Variants in BLTP1 observed in about 807,000 individuals in gnomAD.
BLTP1 encodes the protein fragile site-associated protein.
the BLTP1 span, chr4:122,271,790 G>T: frequency 9.5e-7 from 1 of 1,051,890 alleles, no homozygotes; most frequent in East Asian, 2.6e-5. Flanking sequence ...AGAAGCAGAA[G>T]ACTGTTCATC....
At chr4:122,347,771 C>A in the BLTP1 span, 2 of 1,612,432 alleles carry the variant, frequency 1.2e-6, no homozygotes, top group Non-Finnish European at 1.7e-6. Flanking sequence ...TCTTCAGTTC[C>A]TCGAAGAGGT....
At chr4:122,271,161 A>G in the BLTP1 span, 4 of 1,613,974 alleles carry the variant, frequency 2.5e-6, no homozygotes, top group Non-Finnish European at 3.4e-6. Flanking sequence ...GATCTCAGCA[A>G]GCGGTATTAT....
chr4:122,156,867 T>C, the BLTP1 span, among the ~76,000 whole-genome samples: 3 of 152,144 alleles, frequency 2.0e-5, no homozygotes, highest in Non-Finnish European at 4.4e-5. Flanking sequence ...TAGGTAGACT[T>C]CTACTGAGAC....
At chr4:122,215,299 A>G in the BLTP1 span, 1 of 886,762 alleles carries the variant, frequency 1.1e-6, no homozygotes, top group Non-Finnish European at 1.4e-6. Flanking sequence ...TTACTGTAAT[A>G]ATCTACAGGA....
At chr4:122,240,137 G>T in the BLTP1 span, 2 of 1,614,132 alleles carry the variant, frequency 1.2e-6, no homozygotes, top group Non-Finnish European at 1.7e-6. Flanking sequence ...TAGAAGGTGA[G>T]AAAACAGTGG....
At chr4:122,247,547 A>G in the BLTP1 span, 1 of 1,046,642 alleles carries the variant, frequency 9.6e-7, no homozygotes, top group Non-Finnish European at 1.3e-6. Flanking sequence ...TACAGAATAG[A>G]AAATAAACTT....
the BLTP1 span, chr4:122,328,821 CAT>C: frequency 1.1e-6 from 1 of 946,956 alleles, no homozygotes; most frequent in Non-Finnish European, 1.3e-6. Flanking sequence ...AAATAAATGA[CAT>C]ATGTGAAACT....
At chr4:122,211,246 CTCAATT>C in the BLTP1 span, 1 of 673,154 alleles carries the variant, frequency 1.5e-6, no homozygotes, top group Non-Finnish European at 2.5e-6. Context: ...GGGTGCTAGA[CTCAATT>C]ACAAAATTAT....
At chr4:122,206,907 G>A in the BLTP1 span, 2 of 152,850 alleles carry the variant, frequency 1.3e-5, no homozygotes, top group Non-Finnish European at 2.9e-5. Flanking sequence ...TCTCTTATTT[G>A]GAACTGTGAT....
At chr4:122,348,795 AC>A in the BLTP1 span, 4 of 941,436 alleles carry the variant, frequency 4.2e-6, no homozygotes, top group Admixed American at 2.8e-5. Context: ...GATATTCAGA[AC>A]CTTTTTTGAA....
the BLTP1 span, chr4:122,346,897 T>C: frequency 2.1e-6 from 3 of 1,416,896 alleles, no homozygotes; most frequent in South Asian, 3.1e-5. Flanking sequence ...TGGGCCCCTC[T>C]AATATGCCAA....
chr4:122,260,203 A>G, the BLTP1 span, among the ~76,000 whole-genome samples: 3 of 152,314 alleles, frequency 2.0e-5, no homozygotes, highest in Admixed American at 6.5e-5. Context: ...TTGGAATGCA[A>G]TGGTGTTTGT....
chr4:122,312,850 A>G, the BLTP1 span: 5 of 825,612 alleles, frequency 6.1e-6, no homozygotes, highest in Non-Finnish European at 7.3e-6. Context: ...TCTCAGAGTG[A>G]ATTACAAAAG....
At chr4:122,330,996 T>A in the BLTP1 span, 10 of 973,170 alleles carry the variant, frequency 1.0e-5, no homozygotes, top group Non-Finnish European at 1.2e-5. Flanking sequence ...CTGTCTTTAA[T>A]AAAATCTGGA....
chr4:122,301,187 G>T, the BLTP1 span: 1 of 1,229,078 alleles, frequency 8.1e-7, no homozygotes, highest in Non-Finnish European at 1.1e-6. Flanking sequence ...AAAGATCTCT[G>T]TATCAGTGGT....
the BLTP1 span, among the ~76,000 whole-genome samples, chr4:122,320,989 C>CTTTTTTTTTTTTTTTTTTTTTTTT: frequency 8.1e-6 from 1 of 122,978 alleles, no homozygotes; most frequent in Non-Finnish European, 1.8e-5. Flanking sequence ...TTTTTCTTTT[C>CTTTTTTTTTTTTTTTTTTTTTTTT]TTTTTTTTTT....
At chr4:122,308,439 C>T in the BLTP1 span, among the ~76,000 whole-genome samples, 1 of 151,994 alleles carries the variant, frequency 6.6e-6, no homozygotes, top group African/African-American at 2.4e-5. Flanking sequence ...TAAAAAGAAG[C>T]TTAGTTTCAG....
chr4:122,190,752 T>C, the BLTP1 span, among the ~76,000 whole-genome samples: 1 of 152,146 alleles, frequency 6.6e-6, no homozygotes, highest in African/African-American at 2.4e-5. Flanking sequence ...GTTTGAGGAT[T>C]GAAATTCATC....
At chr4:122,275,606 A>G in the BLTP1 span, among the ~76,000 whole-genome samples, 1 of 152,158 alleles carries the variant, frequency 6.6e-6, no homozygotes, top group Non-Finnish European at 1.5e-5. Context: ...AGGGCTTCCA[A>G]TAGTCTTTAA....
Sources: allele counts gnomAD v4.1 joint callset (sites outside exome capture counted in the v4.1 genomes callset), GRCh38; gene constraint gnomAD v4.1.1; transcripts MANE v1.5; gene names NCBI Gene and HGNC (gene_info 2026-07-23, HGNC 2026-07-21).